The following CLIC5 variants were observed in gnomAD, a reference collection of about 807,000 sequenced individuals.
CLIC5 encodes CLIC family member 5, also known as chloride intracellular channel protein 5.
In CLIC5, 20 loss-of-function variants were observed where a neutral mutation model predicts 24.7. That is an observed-to-expected ratio of 0.81 (90% CI 0.57 to 1.18). The LOEUF (loss-of-function observed/expected upper bound fraction) is 1.18, where lower values mean the gene tolerates loss of function less well. CLIC5 is among the 50% of genes most tolerant of loss of function. The probability of loss-of-function intolerance (pLI) is 0.00; values close to 1 mark genes in which losing one functional copy is unlikely to be tolerated. For missense variants in CLIC5, 341 were observed against 326.1 expected, an observed-to-expected ratio of 1.05 and a Z score of -0.35; for synonymous variants, 159 against 135.6, an observed-to-expected ratio of 1.17 and a Z score of -1.20.
Position 45,923,105 on chromosome 6 carries a change from A to G in CLIC5, c.407-8696T>C, listed in dbSNP as rs554938519. 4.6e-5 allele frequency among the ~76,000 whole-genome samples: 7 copies of G among 152,344 alleles called. No homozygotes were observed. In the East Asian group the frequency reaches 1.3e-3, roughly 29 times the overall value. On this transcript the variant is annotated intron_variant, in intron 4 of 5. Transcript: ENST00000339561. ...AAACTCATAAATGATTGTAGAACCC[A>G]TCGTGCTAATAGAAAGTACGGCATA...
rs886253454 is a variant in CLIC5 at position 46,073,733 on chromosome 6, T to C, written c.540+5970A>G. On this transcript the variant is annotated intron_variant, in intron 1 of 5. Transcript: ENST00000185206. ...AACTTCGTCATCTGCTCTTCACCTA[T>C]GTGGGCCTTCTGACCCACTCAACCA... Among the ~76,000 whole-genome samples, 3 of 152,236 alleles carry C rather than the reference T, an allele frequency of 2.0e-5. No homozygotes were observed. In the South Asian group the frequency reaches 6.2e-4, roughly 31 times the overall value.
intron 1 of CLIC5, among the ~76,000 whole-genome samples, chr6:46,050,265 C>T (rs917955528): frequency 5.3e-5 from 8 of 152,296 alleles, no homozygotes; most frequent in South Asian, 2.1e-4. Context: ...GATTCCTGCA[C>T]GTAGTACACC....
intron 1 of CLIC5, among the ~76,000 whole-genome samples, chr6:45,961,611 ATTAG>A (rs952204805): frequency 4.6e-5 from 7 of 152,190 alleles, no homozygotes; most frequent in African/African-American, 1.2e-4. Context: ...CCATTTTTTA[ATTAG>A]TTAGTGTAAG....
At position 45,883,510 on chromosome 6, in the gene CLIC5, G is replaced by A. The variant is rs577267298; in HGVS notation, c.624-2322C>T. On this transcript the variant is annotated intron_variant, in intron 6 of 6. Coordinates refer to the CLIC5 transcript ENST00000644324. Reference sequence around the variant, plus strand: ...ACAGAGTGATGGGCTCCTGGCATGGGGAGGCAGTGTCATCACTGAGGAGAA... The same window carrying A: ...ACAGAGTGATGGGCTCCTGGCATGGAGAGGCAGTGTCATCACTGAGGAGAA... 3.9e-5 allele frequency among the ~76,000 whole-genome samples: 6 copies of A among 152,274 alleles called. No individual in the cohort carries two copies. In the East Asian group the frequency reaches 1.2e-3, roughly 29 times the overall value.
In CLIC5 at chr6:45,902,089, G is replaced by C. The variant is rs1424996621; in HGVS notation, c.*999C>G. 6.6e-6 allele frequency: 1 copy of C among 152,586 alleles called. No individual in the cohort carries two copies. Among genetic ancestry groups the C allele is most frequent in the African/African-American group, 2.4e-5 (1 of 41,424 alleles). The allele number at this position is 152,586 out of a possible 1,614,324, so 9.5% of individuals were successfully genotyped here. On this transcript the variant is annotated 3_prime_UTR_variant, in exon 6 of 6. Coordinates refer to ENST00000339561, the MANE Select transcript of CLIC5 (RefSeq NM_016929.5). Reference sequence around the variant, plus strand: ...GGTTAGCAGTTACATGATGCCACCAGTCCAAGACTTAGATCATGAGAGAAG... The same window carrying C: ...GGTTAGCAGTTACATGATGCCACCACTCCAAGACTTAGATCATGAGAGAAG...
rs140116349 is a variant in CLIC5, at chr6:45,941,673, G to A, written c.300-20C>T. On this transcript the variant is annotated intron_variant, in intron 3 of 5. Transcript: ENST00000339561. The stretch of plus-strand genomic sequence containing the variant: ...GGGTACCTGGAATGGAGGATGCAGT[G>A]TTCTGTGAATCAGTAGACTTGGAGC... The A allele has an allele frequency of 8.8e-3, 13,887 of 1,572,022 alleles. 268 individuals carry two copies. Among genetic ancestry groups the A allele is most frequent in the Admixed American group, 0.066 (3,936 of 59,954 alleles).
intron 1 of CLIC5, among the ~76,000 whole-genome samples, chr6:46,038,000 G>T (rs985356535): frequency 9.9e-5 from 15 of 152,132 alleles, no homozygotes; most frequent in African/African-American, 3.4e-4. Flanking sequence ...TTCAGATAGA[G>T]CCTGGGATTG....
the CLIC5 span, among the ~76,000 whole-genome samples, chr6:46,126,848 T>G: frequency 6.6e-6 from 1 of 152,180 alleles, no homozygotes; most frequent in Non-Finnish European, 1.5e-5. Flanking sequence ...ACTTCTAACT[T>G]CTGACCTTCT....
chr6:46,011,926 G>A (rs149884908), intron 1 of CLIC5, among the ~76,000 whole-genome samples: 29 of 152,308 alleles, frequency 1.9e-4, no homozygotes, highest in Middle Eastern at 6.8e-3. Context: ...GCAAATCAGG[G>A]ACGTGCAGGT....
At chr6:46,125,412 A>T in the CLIC5 span, among the ~76,000 whole-genome samples, 1 of 151,938 alleles carries the variant, frequency 6.6e-6, no homozygotes, top group Non-Finnish European at 1.5e-5. Context: ...AACATCACAC[A>T]CCAGGGCCTG....
At chr6:45,975,336 T>C (rs1399263995) in intron 1 of CLIC5, among the ~76,000 whole-genome samples, 2 of 152,198 alleles carry the variant, frequency 1.3e-5, no homozygotes, top group African/African-American at 2.4e-5. Flanking sequence ...AGACTTTTAA[T>C]GAAATAGAAA....
chr6:46,062,462 G>T (rs1306754873), intron 1 of CLIC5, among the ~76,000 whole-genome samples: 1 of 152,166 alleles, frequency 6.6e-6, no homozygotes, highest in Non-Finnish European at 1.5e-5. Flanking sequence ...GTTGTCCATG[G>T]TGCCCTGTGC....
rs1219281816 is a variant in CLIC5 at position 45,900,152 on chromosome 6, C to T, written c.*2936G>A. ...ATTGCTGACTAGACAGTGAATTCAA[C>T]TCAGTCATTCTGAGTTTGACTCTTG... is the stretch of plus-strand genomic sequence containing the variant. On this transcript the variant is annotated 3_prime_UTR_variant, in exon 6 of 6. Coordinates refer to ENST00000339561, the MANE Select transcript of CLIC5 (RefSeq NM_016929.5). 2.6e-5 allele frequency: 4 copies of T among 152,180 alleles called. No homozygotes were observed. The highest frequency in any genetic ancestry group is 4.4e-5 in the Non-Finnish European group (3 of 68,038). The allele number at this position is 152,180 out of a possible 1,614,324, so 9.4% of individuals were successfully genotyped here. A position where few individuals can be genotyped will look rare whatever the true frequency, so the allele number is the denominator to read the frequency against.
intron 1 of CLIC5, among the ~76,000 whole-genome samples, chr6:46,042,849 C>T (rs746061432): frequency 6.6e-6 from 1 of 152,112 alleles, no homozygotes; most frequent in African/African-American, 2.4e-5. Context: ...AGAGACAAAG[C>T]TAGAATCCAG....
chr6:45,963,481 A>G (rs1561968293), intron 1 of CLIC5, among the ~76,000 whole-genome samples: 1 of 151,670 alleles, frequency 6.6e-6, no homozygotes, highest in Non-Finnish European at 1.5e-5. Context: ...TGGACCCCTT[A>G]TTTTTCTTGC....
intron 1 of CLIC5, among the ~76,000 whole-genome samples, chr6:46,066,970 G>T (rs1762459966): frequency 6.6e-6 from 1 of 152,146 alleles, no homozygotes; most frequent in African/African-American, 2.4e-5. Flanking sequence ...GAGCATGGTG[G>T]GAGATGGAAT....
At chr6:46,024,413 G>A (rs906881913) in intron 1 of CLIC5, among the ~76,000 whole-genome samples, 67 of 152,162 alleles carry the variant, frequency 4.4e-4, no homozygotes, top group African/African-American at 1.5e-3. Context: ...CTTTTTCTCA[G>A]AAATTTAGAA....
At chr6:45,893,521 C>G (rs1009423698), downstream of CLIC5, among the ~76,000 whole-genome samples, 2 of 152,126 alleles carry the variant, frequency 1.3e-5, no homozygotes, top group Non-Finnish European at 2.9e-5. Flanking sequence ...GCTTCACTTT[C>G]CTATATCACA....
intron 1 of CLIC5, among the ~76,000 whole-genome samples, chr6:46,070,601 T>C (rs772536923): frequency 5.3e-5 from 8 of 152,182 alleles, no homozygotes; most frequent in Admixed American, 1.3e-4. Flanking sequence ...AAACATTCCA[T>C]GCTTGTGTAC....
Sources: gnomAD v4.1 joint callset for allele counts (sites outside exome capture counted in the v4.1 genomes callset) on GRCh38, gnomAD v4.1.1 for gene constraint, MANE v1.5 for transcripts, NCBI Gene and HGNC (gene_info 2026-07-23, HGNC 2026-07-21) for gene names.